The following KCNK13 variants were observed in gnomAD, a reference collection of about 807,000 sequenced individuals.
The protein encoded by KCNK13 is potassium two pore domain channel subfamily K member 13.
KCNK13 carries 12 observed loss-of-function variants against 23.4 expected under a neutral mutation model. The ratio of observed to expected loss-of-function variants is 0.51; its 90% CI spans 0.33 to 0.83. The LOEUF (loss-of-function observed/expected upper bound fraction) is 0.83. Among genes scored for constraint, KCNK13 ranks in the 40% least tolerant of loss-of-function variants. The pLI, the probability that KCNK13 is intolerant of heterozygous loss-of-function variation, is 0.02. For missense variants in KCNK13, 463 were observed against 556.3 expected (o/e 0.83, Z 1.69); for synonymous variants, 231 against 229.5 (o/e 1.01, Z -0.06).
rs530452431 is a variant in KCNK13, at chr14:90,062,714, G to T, written c.334+175G>T. On this transcript the variant is annotated intron_variant, in intron 1 of 1. Coordinates refer to ENST00000282146, the MANE Select transcript of KCNK13 (RefSeq NM_022054.4). This position sits in a 1 kb window ranked among gnomAD's most constrained non-coding sequence, Gnocchi z 4.5. ...ATTGCCTCCCCGCTGCTCTAATGTG[G>T]TCCAGGCACCGGCAGCTTCAGCGTC... Among the ~76,000 whole-genome samples, 1 of 152,292 alleles carries T rather than the reference G, an allele frequency of 6.6e-6. No individual in the cohort carries two copies. The highest frequency in any genetic ancestry group is 6.5e-5 in the Admixed American group (1 of 15,310).
intron 1 of KCNK13, among the ~76,000 whole-genome samples, chr14:90,149,218 TG>T (rs763236096): frequency 5.3e-5 from 8 of 152,084 alleles, no homozygotes; most frequent in Non-Finnish European, 8.8e-5. Context: ...TAGCCAGGCA[TG>T]GTGGTGCATG....
At chr14:90,148,011 G>A (rs1325585677) in intron 1 of KCNK13, among the ~76,000 whole-genome samples, 1 of 152,002 alleles carries the variant, frequency 6.6e-6, no homozygotes, top group African/African-American at 2.4e-5. Context: ...AATACAAAAA[G>A]TATTAGCCGA....
intron 1 of KCNK13, among the ~76,000 whole-genome samples, chr14:90,183,508 TG>T (rs1890510918): frequency 6.6e-6 from 1 of 152,158 alleles, no homozygotes; most frequent in African/African-American, 2.4e-5. Context: ...ACTTCTTAGA[TG>T]GGTTCCCCTC....
chr14:90,087,992 T>C (rs1236460591), intron 1 of KCNK13, among the ~76,000 whole-genome samples: 1 of 152,172 alleles, frequency 6.6e-6, no homozygotes, highest in Non-Finnish European at 1.5e-5. Context: ...TAAGTTTATT[T>C]ATTTATTTAT....
At chr14:90,131,213 T>C (rs144020150) in intron 1 of KCNK13, among the ~76,000 whole-genome samples, 3 of 152,162 alleles carry the variant, frequency 2.0e-5, no homozygotes, top group African/African-American at 7.2e-5. Context: ...ATTGTTATTA[T>C]TTATTTATTT....
intron 1 of KCNK13, among the ~76,000 whole-genome samples, chr14:90,112,097 C>T (rs1345907191): frequency 6.6e-6 from 1 of 152,172 alleles, no homozygotes; most frequent in African/African-American, 2.4e-5. Flanking sequence ...GTCCCTGTGT[C>T]TTTGCCTGGA....
chr14:90,125,086 G>A (rs944931368), intron 1 of KCNK13, among the ~76,000 whole-genome samples: 7 of 152,078 alleles, frequency 4.6e-5, no homozygotes, highest in East Asian at 1.9e-4. Flanking sequence ...GAAAAGGGAC[G>A]TTTTTGTAAT....
At chr14:90,138,651 A>T (rs1596794618) in intron 1 of KCNK13, among the ~76,000 whole-genome samples, 1 of 152,354 alleles carries the variant, frequency 6.6e-6, no homozygotes, top group East Asian at 1.9e-4. Flanking sequence ...ATGGGGCTTG[A>T]CATAGGATCT....
chr14:90,112,030 T>C (rs561786965), intron 1 of KCNK13, among the ~76,000 whole-genome samples: 23 of 152,256 alleles, frequency 1.5e-4, no homozygotes, highest in African/African-American at 5.5e-4. Flanking sequence ...TATATCCCAA[T>C]TCTGGGAGCT....
At chr14:90,169,202 T>C (rs1868315438) in intron 1 of KCNK13, among the ~76,000 whole-genome samples, 1 of 152,238 alleles carries the variant, frequency 6.6e-6, no homozygotes, top group Non-Finnish European at 1.5e-5. Context: ...AGATCTTCCA[T>C]CCTCTCTGAA....
chr14:90,158,373 T>C (rs1186147308), intron 1 of KCNK13, among the ~76,000 whole-genome samples: 4 of 152,220 alleles, frequency 2.6e-5, no homozygotes, highest in African/African-American at 9.6e-5. Flanking sequence ...TCGTTTATTA[T>C]CTGTCTCTGA....
intron 1 of KCNK13, among the ~76,000 whole-genome samples, chr14:90,148,034 A>G (rs1300683679): frequency 6.6e-6 from 1 of 152,142 alleles, no homozygotes; most frequent in African/African-American, 2.4e-5. Context: ...GTGGTGGTGC[A>G]TGCCTGTAGT....
At chr14:90,166,005 A>C (rs1043171109) in intron 1 of KCNK13, among the ~76,000 whole-genome samples, 1 of 152,236 alleles carries the variant, frequency 6.6e-6, no homozygotes, top group African/African-American at 2.4e-5. Flanking sequence ...AGTAATGCAG[A>C]TGATTTAAAG....
At chr14:90,099,064 G>C (rs1218841940) in intron 1 of KCNK13, among the ~76,000 whole-genome samples, 3 of 151,716 alleles carry the variant, frequency 2.0e-5, no homozygotes, top group Non-Finnish European at 4.4e-5. Flanking sequence ...GGCAGAGTGA[G>C]ACTCTGTCTC....
intron 1 of KCNK13, among the ~76,000 whole-genome samples, chr14:90,080,505 G>A (rs985724181): frequency 1.4e-4 from 21 of 151,814 alleles, no homozygotes; most frequent in African/African-American, 4.4e-4. Flanking sequence ...GAAGTATGAC[G>A]CTCAGGAAAG....
chr14:90,107,296 G>A (rs1349298734), intron 1 of KCNK13, among the ~76,000 whole-genome samples: 2 of 152,118 alleles, frequency 1.3e-5, no homozygotes, highest in African/African-American at 4.8e-5. Flanking sequence ...TGGCTAACAT[G>A]GTGAAACCCC....
intron 1 of KCNK13, among the ~76,000 whole-genome samples, chr14:90,160,283 GCCCTAACTC>G (rs1384250572): frequency 6.6e-6 from 1 of 152,124 alleles, no homozygotes; most frequent in Non-Finnish European, 1.5e-5. Flanking sequence ...TGTTGCACCT[GCCCTAACTC>G]CCTTTTGCCT....
chr14:90,098,656 A>G (rs565330083), intron 1 of KCNK13, among the ~76,000 whole-genome samples: 11 of 151,360 alleles, frequency 7.3e-5, no homozygotes, highest in Non-Finnish European at 1.5e-4. Flanking sequence ...CGGTCTCCAA[A>G]AAAAAAAAAA....
At chr14:90,065,187 T>C (rs1423694256) in intron 1 of KCNK13, among the ~76,000 whole-genome samples, 4 of 152,236 alleles carry the variant, frequency 2.6e-5, no homozygotes, top group African/African-American at 9.6e-5. Flanking sequence ...ATATCTTGCA[T>C]TTTTATTGTA....
Sources: allele counts gnomAD v4.1 joint callset (sites outside exome capture counted in the v4.1 genomes callset), GRCh38; gene constraint gnomAD v4.1.1; non-coding constraint Gnocchi (gnomAD v3.1); transcripts MANE v1.5; gene names NCBI Gene and HGNC (gene_info 2026-07-23, HGNC 2026-07-21).